AMPD2: variants seen among roughly 807,000 people sequenced by gnomAD.
The protein encoded by AMPD2 is adenosine monophosphate deaminase 2.
AMPD2 carries 52 observed loss-of-function variants against 91.3 expected under a neutral mutation model. The observed-to-expected ratio is 0.57, with a 90% CI of 0.46 to 0.72. The LOEUF is 0.72. Among genes scored for constraint, AMPD2 ranks in the 30% least tolerant of loss-of-function variants. The pLI, the probability that AMPD2 is intolerant of heterozygous loss-of-function variation, is 0.00. For missense variants in AMPD2, 822 were observed against 1,122.3 expected, an observed-to-expected ratio of 0.73 and a Z score of 3.82; for synonymous variants, 455 against 456.4, an observed-to-expected ratio of 1.00 and a Z score of 0.04.
Position 109,628,013 on chromosome 1 carries a change from C to A in AMPD2, c.1081-70C>A, listed in dbSNP as rs1650857805. The stretch of plus-strand genomic sequence containing the variant: ...AGCATCCAGTACAGAGGGTCCTTTC[C>A]CATTGCACTGCCCCAGGCCCCAGAC... On this transcript the variant is annotated intron_variant, in intron 10 of 18. Transcript: ENST00000528667. The surrounding 1 kb of genome is among the most constrained non-coding windows in gnomAD (Gnocchi z 7.1). 2 of 1,597,182 alleles carry A rather than the reference C, an allele frequency of 1.3e-6. No homozygotes were observed. Among genetic ancestry groups the A allele is most frequent in the Non-Finnish European group, 8.5e-7 (1 of 1,170,256 alleles).
chr1:109,630,651 C>G (rs753644014), intron 17 of AMPD2, 32 bp from the exon 18 acceptor site: 1 of 1,576,394 alleles, frequency 6.3e-7, no homozygotes, highest in East Asian at 2.3e-5. Flanking sequence ...CTGGCCAGGG[C>G]GCACTCGTCT....
Position 109,631,224 on chromosome 1 carries a change from G to T in AMPD2, c.*72G>T. 1 of 1,401,572 alleles carries T rather than the reference G, an allele frequency of 7.1e-7. No individual in the cohort carries two copies. The highest frequency in any genetic ancestry group is 2.0e-5 in the Admixed American group (1 of 50,570). The allele number at this position is 1,401,572 out of a possible 1,614,324, so 86.8% of individuals were successfully genotyped here. A position where few individuals can be genotyped will look rare whatever the true frequency, so the allele number is the denominator to read the frequency against. ...TTTGTCCTCAGACCCCGCCCATGCT[G>T]TGTGGTCTCTGCATGTCTCCATTCT... On this transcript the variant is annotated 3_prime_UTR_variant, in exon 19 of 19. Coordinates refer to ENST00000528667, the MANE Select transcript of AMPD2 (RefSeq NM_001368809.2).
At chr1:109,620,400 C>A in intron 1 of AMPD2, 122 bp downstream of exon 1, 1 of 1,458,468 alleles carries the variant, frequency 6.9e-7, no homozygotes, top group South Asian at 1.3e-5. Context: ...GTCAGCTCCT[C>A]CCAGGAGGGC....
chr1:109,630,182 G>A (rs375545573), intron 16 of AMPD2, 51 bp from the exon 17 acceptor site: 4 of 1,598,756 alleles, frequency 2.5e-6, no homozygotes, highest in South Asian at 2.2e-5. Context: ...ACTGTGCCCT[G>A]CCCAGCCTCG....
chr1:109,626,973 G>A, intron 7 of AMPD2, 61 bp downstream of exon 7: 1 of 1,569,618 alleles, frequency 6.4e-7, no homozygotes, highest in Non-Finnish European at 8.6e-7. Flanking sequence ...TCTCAGCCTG[G>A]TGCCTGGGCA....
Position 109,631,010 on chromosome 1 carries a change from C to G in AMPD2, c.2336C>G (p.Thr779Ser). The G allele has an allele frequency of 1.2e-6, 2 of 1,614,202 alleles. No homozygotes were observed. The highest frequency in any genetic ancestry group is 1.7e-6 in the Non-Finnish European group (2 of 1,180,036). Residue 779 changes from threonine to serine, a missense_variant, in exon 19 of 19, where the codon ACC (threonine) becomes AGC (serine). By Grantham distance (58) the Thr-to-Ser change is moderately conservative. Coordinates refer to ENST00000528667, the MANE Select transcript of AMPD2 (RefSeq NM_001368809.2). ...CCTGAGGGGAATGACATCCGCCGGA[C>G]CAATGTGCCAGACATCCGCGTGGGC... The part of the protein sequence containing the change: ...EGPEGNDIRR[T>S]NVPDIRVGYR...
In AMPD2 at chr1:109,620,209, A is replaced by T; in HGVS notation, c.-332A>T. 2 of 1,612,230 alleles carry T rather than the reference A, an allele frequency of 1.2e-6. No individual in the cohort carries two copies. The highest frequency in any genetic ancestry group is 2.2e-5 in the South Asian group (2 of 90,994). ...CCCGATCCCCCTGCCGTCCCTCAGG[A>T]CCCGGGCTTTCTGCTGTACAGACTT... is the stretch of plus-strand genomic sequence containing the variant. On this transcript the variant is annotated 5_prime_UTR_variant, in exon 1 of 19. Coordinates refer to ENST00000528667, the MANE Select transcript of AMPD2 (RefSeq NM_001368809.2).
Position 109,626,118 on chromosome 1 carries a change from T to G in AMPD2, c.354-42T>G, listed in dbSNP as rs779371189. ...TGCTGGGACCTGGGAGCAAGGGCCG[T>G]CCCTCGGGATCTGCCTGACTTCTCA... is the stretch of plus-strand genomic sequence containing the variant. On this transcript the variant is annotated intron_variant, in intron 4 of 18. Transcript: ENST00000528667. 1.7e-5 allele frequency: 27 copies of G among 1,609,512 alleles called. No individual in the cohort carries two copies. The Admixed American group carries it at 4.5e-4, about 27-fold the overall frequency.
chr1:109,626,092 G>T (rs1200237186), intron 4 of AMPD2, 68 bp from the exon 5 acceptor site: 1 of 1,551,028 alleles, frequency 6.4e-7, no homozygotes, highest in South Asian at 1.1e-5. Context: ...ACCTAGTGCG[G>T]TGCTGGGACC....
chr1:109,628,850 CA>C lies in AMPD2; in HGVS notation c.1571+46del. The C allele has an allele frequency of 1.3e-6, 2 of 1,535,700 alleles. No individual in the cohort carries two copies. The highest frequency in any genetic ancestry group is 8.8e-7 in the Non-Finnish European group (1 of 1,137,378). On this transcript the variant is annotated intron_variant, in intron 13 of 18. Coordinates refer to ENST00000528667, the MANE Select transcript of AMPD2 (RefSeq NM_001368809.2). The surrounding 1 kb of genome is among the most constrained non-coding windows in gnomAD (Gnocchi z 7.1). ...GGAGGGGAACCTGCGGGGTCATATT[CA>C]AGGGGTCAGGGCCTGCCTCCTGCCC...
In AMPD2 at chr1:109,631,229, G is replaced by T; in HGVS notation, c.*77G>T. On this transcript the variant is annotated 3_prime_UTR_variant, in exon 19 of 19. Coordinates refer to ENST00000528667, the MANE Select transcript of AMPD2 (RefSeq NM_001368809.2). ...CCTCAGACCCCGCCCATGCTGTGTG[G>T]TCTCTGCATGTCTCCATTCTTCTCT... 2 of 1,285,358 alleles carry T rather than the reference G, an allele frequency of 1.6e-6. No homozygotes were observed. Among genetic ancestry groups the T allele is most frequent in the Non-Finnish European group, 2.2e-6 (2 of 908,488 alleles). The allele number at this position is 1,285,358 out of a possible 1,614,324, so 79.6% of individuals were successfully genotyped here. A position where few individuals can be genotyped will look rare whatever the true frequency, so the allele number is the denominator to read the frequency against.
intron 7 of AMPD2, 125 bp from the exon 8 acceptor site, chr1:109,627,050 G>A (rs1294291959): frequency 1.3e-6 from 2 of 1,551,062 alleles, no homozygotes; most frequent in Non-Finnish European, 1.7e-6. Context: ...CAGGGGTGGA[G>A]GTTGGGCAGG....
In AMPD2 at chr1:109,624,287, C is replaced by T. The variant is rs1206107226; in HGVS notation, c.92-1016C>T. On this transcript the variant is annotated intron_variant, in intron 2 of 18. Transcript: ENST00000528667. The surrounding 1 kb of genome is among the most constrained non-coding windows in gnomAD (Gnocchi z 5.2). ...GGGTGGAGGGTGCTGGAGGGGAGCA[C>T]TCCTTACAGCCGGCTGAGAGAGGCA... Among the ~76,000 whole-genome samples, 1 of 152,204 alleles carries T rather than the reference C, an allele frequency of 6.6e-6. No homozygotes were observed. The highest frequency in any genetic ancestry group is 1.5e-5 in the Non-Finnish European group (1 of 68,032).
rs1001539693 is a variant in AMPD2, at chr1:109,625,956, C to T, written c.353+164C>T. On this transcript the variant is annotated intron_variant, in intron 4 of 18. Coordinates refer to ENST00000528667, the MANE Select transcript of AMPD2 (RefSeq NM_001368809.2). This position sits in a 1 kb window ranked among gnomAD's most constrained non-coding sequence, Gnocchi z 4.0. ...GCTGGGTTCTGTTCTGTCTTCTAGC[C>T]GCCGGTGTGGCTGGGTCATGTTGCT... 12 of 1,251,428 alleles carry T rather than the reference C, an allele frequency of 9.6e-6. No homozygotes were observed. Among genetic ancestry groups the T allele is most frequent in the South Asian group, 1.4e-5 (1 of 69,526 alleles). The allele number at this position is 1,251,428 out of a possible 1,614,324, so 77.5% of individuals were successfully genotyped here. A position where few individuals can be genotyped will look rare whatever the true frequency, so the allele number is the denominator to read the frequency against.
rs774595273 is a variant in AMPD2 at position 109,628,748 on chromosome 1, G to A, written c.1513G>A (p.Val505Ile). The A allele has an allele frequency of 5.3e-5, 85 of 1,598,232 alleles. No homozygotes were observed. The highest frequency in any genetic ancestry group is 3.5e-4 in the African/African-American group (26 of 74,516). The change falls in exon 13 of 19, where the codon GTC becomes ATC. Residue 505 changes from valine to isoleucine, a missense_variant. Around this residue, in one of 5 missense-constraint regions of AMPD2, gnomAD observed 430 missense variants for 606.0 expected, o/e 0.71. Transcript: ENST00000528667. This position sits in a 1 kb window ranked among gnomAD's most constrained non-coding sequence, Gnocchi z 7.1. The stretch of plus-strand genomic sequence containing the variant: ...GTGGGACAAGCTGGCGCGCTGGGCC[G>A]TCATGCACCGCGTGCACTCCCCCAA... ...DEWDKLARWA[V>I]MHRVHSPNVR... is the part of the protein sequence containing the mutation.
At position 109,631,215 on chromosome 1, in the gene AMPD2, G is replaced by T. The variant is rs186513447; in HGVS notation, c.*63G>T. 4.1e-6 allele frequency: 6 copies of T among 1,451,900 alleles called. No individual in the cohort carries two copies. The East Asian group carries it at 9.9e-5, about 24-fold the overall frequency. 89.9% of individuals were successfully genotyped at this position (1,451,900 alleles called of 1,614,324 possible). A position where few individuals can be genotyped will look rare whatever the true frequency, so the allele number is the denominator to read the frequency against. On this transcript the variant is annotated 3_prime_UTR_variant, in exon 19 of 19. Transcript: ENST00000528667. ...TTACCACGTTTTGTCCTCAGACCCC[G>T]CCCATGCTGTGTGGTCTCTGCATGT...
At chr1:109,627,391 C>G (rs766926458) in intron 8 of AMPD2, 38 bp from the exon 9 acceptor site, 2 of 1,613,772 alleles carry the variant, frequency 1.2e-6, no homozygotes, top group African/African-American at 2.7e-5. Flanking sequence ...CCACAGGGCT[C>G]GGCTTGCTCT....
chr1:109,623,266 A>C (rs950035627), intron 2 of AMPD2, among the ~76,000 whole-genome samples: 3 of 152,098 alleles, frequency 2.0e-5, no homozygotes, highest in African/African-American at 7.2e-5. Context: ...TTATCGCCCC[A>C]CTTGTAGATG....
rs1225522869 is a variant in AMPD2, at chr1:109,627,494, T to C, written c.926T>C (p.Met309Thr). ...TTTGTGGCTGACGTCAATGTGCTGA[T>C]GGCCCTGATTATCAATGGCCCCATG... ...QEFVADVNVLMALIINGPIKS... is the reference protein window; with the variant it reads ...QEFVADVNVLTALIINGPIKS... Residue 309 changes from methionine (M) to threonine (T), a missense_variant, in exon 9 of 19, where the codon ATG becomes ACG. Around this residue, in one of 5 missense-constraint regions of AMPD2, gnomAD observed 240 missense variants for 270.3 expected, o/e 0.89. Transcript: ENST00000528667. The C allele has an allele frequency of 3.1e-6, 5 of 1,613,934 alleles. No individual in the cohort carries two copies. In the African/African-American group the frequency reaches 6.7e-5, roughly 22 times the overall value.
Sources: gnomAD v4.1 joint callset for allele counts (sites outside exome capture counted in the v4.1 genomes callset) on GRCh38, gnomAD v4.1.1 for gene constraint, gnomAD v4.1.1 regional missense constraint, Gnocchi (gnomAD v3.1) non-coding constraint, MANE v1.5 for transcripts, NCBI Gene and HGNC (gene_info 2026-07-23, HGNC 2026-07-21) for gene names.